The following NXPH1 variants were observed in gnomAD, a reference collection of about 807,000 sequenced individuals.
The protein encoded by NXPH1 is neurexophilin-1.
NXPH1 carries 5 observed loss-of-function variants against 23.7 expected under a neutral mutation model. The ratio of observed to expected loss-of-function variants is 0.21; its 90% confidence interval spans 0.11 to 0.44. NXPH1 has a LOEUF of 0.44. NXPH1 is among the 20% of genes least tolerant of loss of function. The pLI is 0.99. For synonymous variants in NXPH1, 144 were observed against 122.2 expected, an observed-to-expected ratio of 1.18 and a Z score of -1.18; for missense variants, 324 against 321.6, an observed-to-expected ratio of 1.01 and a Z score of -0.06.
chr7:8,435,895 G>A lies in NXPH1; in HGVS notation c.54+128G>A, dbSNP rs1816185286. ...GCAGCTTCCTAGCAGCTGTGTTGGA[G>A]CAACTTTGGCAAGCTGGTCTCTGGA... On this transcript the variant is annotated intron_variant, in intron 2 of 2. Coordinates refer to ENST00000405863, the MANE Select transcript of NXPH1 (RefSeq NM_152745.3). The surrounding 1 kb of genome is among the most constrained non-coding windows in gnomAD (Gnocchi z 5.9). The A allele has an allele frequency of 1.2e-6, 1 of 868,294 alleles. No individual in the cohort carries two copies. Among genetic ancestry groups the A allele is most frequent in the Non-Finnish European group, 2.0e-6 (1 of 512,620 alleles). 53.8% of individuals were successfully genotyped at this position (868,294 alleles called of 1,614,324 possible).
At chr7:8,497,377 A>C (rs1270397826) in intron 2 of NXPH1, among the ~76,000 whole-genome samples, 1 of 152,312 alleles carries the variant, frequency 6.6e-6, no homozygotes, top group East Asian at 1.9e-4. Flanking sequence ...GTATATACCC[A>C]GTAATGGGAT....
chr7:8,709,721 GTC>G (rs1266393142), intron 2 of NXPH1, among the ~76,000 whole-genome samples: 2 of 152,154 alleles, frequency 1.3e-5, no homozygotes, highest in Non-Finnish European at 2.9e-5. Flanking sequence ...GTGAATATGA[GTC>G]TGTTAAGTCT....
At chr7:8,723,793 G>C (rs1026433239) in intron 2 of NXPH1, among the ~76,000 whole-genome samples, 1 of 152,154 alleles carries the variant, frequency 6.6e-6, no homozygotes, top group East Asian at 1.9e-4. Flanking sequence ...TAGCTAATGG[G>C]AATGTGTAGA....
intron 2 of NXPH1, among the ~76,000 whole-genome samples, chr7:8,498,290 A>G (rs1190001093): frequency 6.6e-6 from 1 of 152,104 alleles, no homozygotes; most frequent in African/African-American, 2.4e-5. Flanking sequence ...AGTATCAGGC[A>G]GAAGAGCCAA....
chr7:8,657,340 T>C (rs1467019570), intron 2 of NXPH1, among the ~76,000 whole-genome samples: 1 of 152,204 alleles, frequency 6.6e-6, no homozygotes, highest in Non-Finnish European at 1.5e-5. Flanking sequence ...GCGGTTGGAT[T>C]TGATAATTTT....
At chr7:8,549,608 A>G (rs1249091999) in intron 2 of NXPH1, among the ~76,000 whole-genome samples, 1 of 151,508 alleles carries the variant, frequency 6.6e-6, no homozygotes, top group African/African-American at 2.4e-5. Context: ...CCCAATATTA[A>G]TCTCTGCTTT....
intron 2 of NXPH1, among the ~76,000 whole-genome samples, chr7:8,501,135 C>T (rs911804364): frequency 1.3e-5 from 2 of 152,058 alleles, no homozygotes; most frequent in Non-Finnish European, 2.9e-5. Flanking sequence ...TATCAGCTGT[C>T]ACAGATACGA....
At position 8,479,586 on chromosome 7, in the gene NXPH1, C is replaced by A. The variant is rs748310173; in HGVS notation, c.54+43819C>A. Among the ~76,000 whole-genome samples the A allele has an allele frequency of 2.0e-5, 3 of 152,224 alleles. No homozygotes were observed. In the South Asian group the frequency reaches 6.2e-4, roughly 32 times the overall value. On this transcript the variant is annotated intron_variant, in intron 2 of 2. Coordinates refer to ENST00000405863, the MANE Select transcript of NXPH1 (RefSeq NM_152745.3). ...TAGTGCAAAAAGCACTCCTAGCATC[C>A]AGATCGTGGTGGCTTTGAAATAATA...
At chr7:8,481,323 G>T (rs925884677) in intron 2 of NXPH1, among the ~76,000 whole-genome samples, 2 of 152,172 alleles carry the variant, frequency 1.3e-5, no homozygotes, top group African/African-American at 4.8e-5. Flanking sequence ...TACCTACGCA[G>T]AGATGTCATT....
At chr7:8,538,641 G>A (rs577707298) in intron 2 of NXPH1, among the ~76,000 whole-genome samples, 32 of 152,022 alleles carry the variant, frequency 2.1e-4, no homozygotes, top group East Asian at 1.4e-3. Context: ...TTTCCCCCAC[G>A]TGCTAAGTGG....
chr7:8,650,994 T>A (rs1820482329), intron 2 of NXPH1, among the ~76,000 whole-genome samples: 1 of 151,630 alleles, frequency 6.6e-6, no homozygotes, highest in Non-Finnish European at 1.5e-5. Context: ...TCTTATACTT[T>A]AAGTTTTAGG....
At chr7:8,750,298 G>A (rs1196259881) in intron 2 of NXPH1, among the ~76,000 whole-genome samples, 1 of 152,164 alleles carries the variant, frequency 6.6e-6, no homozygotes, top group Non-Finnish European at 1.5e-5. Flanking sequence ...GTTGACATAT[G>A]TCTGAGAATC....
chr7:8,582,578 G>T (rs1382676982), intron 2 of NXPH1, among the ~76,000 whole-genome samples: 2 of 152,160 alleles, frequency 1.3e-5, no homozygotes, highest in Non-Finnish European at 2.9e-5. Flanking sequence ...CTGCAGGAAG[G>T]TTATCCTGGT....
intron 2 of NXPH1, among the ~76,000 whole-genome samples, chr7:8,629,906 C>T (rs1203627274): frequency 6.6e-6 from 1 of 152,036 alleles, no homozygotes; most frequent in Non-Finnish European, 1.5e-5. Flanking sequence ...CAACCTTTTG[C>T]CTCTGTGAGA....
At chr7:8,577,183 A>G (rs1818771224) in intron 2 of NXPH1, among the ~76,000 whole-genome samples, 1 of 152,190 alleles carries the variant, frequency 6.6e-6, no homozygotes, top group African/African-American at 2.4e-5. Context: ...AATTTCCATT[A>G]CAAGGATAAT....
intron 2 of NXPH1, among the ~76,000 whole-genome samples, chr7:8,458,756 A>C (rs894786570): frequency 6.6e-6 from 1 of 152,188 alleles, no homozygotes; most frequent in African/African-American, 2.4e-5. Context: ...GAGAGAGAAG[A>C]CAAGATAGAG....
chr7:8,750,444 C>T (rs1380305918), intron 2 of NXPH1, among the ~76,000 whole-genome samples: 2 of 152,138 alleles, frequency 1.3e-5, no homozygotes, highest in Non-Finnish European at 2.9e-5. Flanking sequence ...GTTCCCTCCC[C>T]TCACCTCTCC....
At chr7:8,737,149 G>C (rs148672991) in intron 2 of NXPH1, among the ~76,000 whole-genome samples, 40 of 152,124 alleles carry the variant, frequency 2.6e-4, no homozygotes, top group African/African-American at 9.4e-4. Context: ...TAATATTGTT[G>C]TGTGTGAATT....
chr7:8,483,948 A>C (rs1406142421), intron 2 of NXPH1, among the ~76,000 whole-genome samples: 1 of 144,930 alleles, frequency 6.9e-6, no homozygotes, highest in Admixed American at 6.7e-5. Flanking sequence ...AACTAGAATA[A>C]ATAACACTCC....
Sources: allele counts gnomAD v4.1 joint callset (sites outside exome capture counted in the v4.1 genomes callset), GRCh38; gene constraint gnomAD v4.1.1; non-coding constraint Gnocchi (gnomAD v3.1); transcripts MANE v1.5; gene names NCBI Gene and HGNC (gene_info 2026-07-23, HGNC 2026-07-21).